The following TBC1D24 variants were observed in gnomAD, a reference collection of about 807,000 sequenced individuals.
The protein encoded by TBC1D24 is Infantile myoclonic epilepsy.
A neutral mutation model predicts 50.7 loss-of-function variants in TBC1D24; 47 were observed. The ratio of observed to expected loss-of-function variants is 0.93; its 90% confidence interval spans 0.73 to 1.18. The LOEUF (loss-of-function observed/expected upper bound fraction) is 1.18. TBC1D24 is among the 50% of genes most tolerant of loss of function. The pLI is 0.00. For synonymous variants in TBC1D24, 324 were observed against 335.2 expected, an observed-to-expected ratio of 0.97 and a Z score of 0.36; for missense variants, 688 against 766.5, an observed-to-expected ratio of 0.90 and a Z score of 1.21.
intron 1 of TBC1D24, among the ~76,000 whole-genome samples, chr16:2,491,449 T>C (rs926560843): frequency 6.6e-6 from 1 of 151,948 alleles, no homozygotes; most frequent in Admixed American, 6.6e-5. Flanking sequence ...AGTTCAGTGG[T>C]ACAATCAGGT....
At position 2,505,691 on chromosome 16, in the gene TBC1D24, T is replaced by C. The variant is rs931267621; in HGVS notation, c.*4733T>C. 8 of 152,214 alleles carry C rather than the reference T, an allele frequency of 5.3e-5. No individual in the cohort carries two copies. The highest frequency in any genetic ancestry group is 1.9e-4 in the African/African-American group (8 of 41,450). 9.4% of individuals were successfully genotyped at this position (152,214 alleles called of 1,614,324 possible). Reference sequence around the variant, plus strand: ...GTGAGTTAGTGATATGTTTGGTTGGTGTTAATTTGAGTCCTAAATAAAATC... The same window carrying C: ...GTGAGTTAGTGATATGTTTGGTTGGCGTTAATTTGAGTCCTAAATAAAATC... On this transcript the variant is annotated 3_prime_UTR_variant, in exon 8 of 8. Transcript: ENST00000646147.
At chr16:2,488,170 C>A (rs914790994) in intron 1 of TBC1D24, among the ~76,000 whole-genome samples, 5 of 152,226 alleles carry the variant, frequency 3.3e-5, no homozygotes, top group African/African-American at 1.2e-4. Flanking sequence ...CCTGTGGGCG[C>A]CTTCAGGGGG....
chr16:2,480,492 T>C (rs948003959), intron 1 of TBC1D24: 1 of 152,108 alleles, frequency 6.6e-6, no homozygotes, highest in African/African-American at 2.4e-5. Context: ...CTACTGAGGA[T>C]ACAGATTTCC....
In TBC1D24 at chr16:2,486,433, G is replaced by A. The variant is rs922553831; in HGVS notation, c.-115-9601G>A. On this transcript the variant is annotated intron_variant, in intron 1 of 7. Coordinates refer to ENST00000646147, the MANE Select transcript of TBC1D24 (RefSeq NM_001199107.2). The surrounding 1 kb of genome is among the most constrained non-coding windows in gnomAD (Gnocchi z 5.8). Reference sequence around the variant, plus strand: ...CCCTGTTCTGTGGCCCGTGACTGAGGTCCAGCCACACAGAACCCCGCGTCC... The same window carrying A: ...CCCTGTTCTGTGGCCCGTGACTGAGATCCAGCCACACAGAACCCCGCGTCC... Among the ~76,000 whole-genome samples, 1 of 152,238 alleles carries A rather than the reference G, an allele frequency of 6.6e-6. No individual in the cohort carries two copies. Among genetic ancestry groups the A allele is most frequent in the Non-Finnish European group, 1.5e-5 (1 of 68,050 alleles).
Position 2,501,695 on chromosome 16 carries a change from C to T in TBC1D24, c.*737C>T, listed in dbSNP as rs1442102380. The T allele has an allele frequency of 6.6e-6, 1 of 152,598 alleles. No individual in the cohort carries two copies. The highest frequency in any genetic ancestry group is 1.5e-5 in the Non-Finnish European group (1 of 68,314). 9.5% of individuals were successfully genotyped at this position (152,598 alleles called of 1,614,324 possible). A position where few individuals can be genotyped will look rare whatever the true frequency, so the allele number is the denominator to read the frequency against. Reference sequence around the variant, plus strand: ...GAGCTGGAGGGGGATGTCACATGTCCTTGTGTTTCTGCAGAGCCTGAAGCT... The same window carrying T: ...GAGCTGGAGGGGGATGTCACATGTCTTTGTGTTTCTGCAGAGCCTGAAGCT... On this transcript the variant is annotated 3_prime_UTR_variant, in exon 8 of 8. Coordinates refer to ENST00000646147, the MANE Select transcript of TBC1D24 (RefSeq NM_001199107.2).
At chr16:2,498,192 G>C in intron 3 of TBC1D24, 46 bp from the exon 4 acceptor site, 1 of 1,556,786 alleles carries the variant, frequency 6.4e-7, no homozygotes, top group Non-Finnish European at 8.7e-7. Flanking sequence ...GCATGGCCTG[G>C]CCCCAGACGT....
chr16:2,489,185 A>C (rs2065676314), intron 1 of TBC1D24, among the ~76,000 whole-genome samples: 1 of 151,784 alleles, frequency 6.6e-6, no homozygotes, highest in African/African-American at 2.4e-5. Context: ...TAATCCCAGC[A>C]CTTTGGGAGG....
chr16:2,478,666 T>A (rs2065587428), intron 1 of TBC1D24: 1 of 151,880 alleles, frequency 6.6e-6, no homozygotes, highest in African/African-American at 2.4e-5. Flanking sequence ...TTAAAGTCAG[T>A]AAGGTAACAG....
At chr16:2,491,197 A>G (rs1356792385) in intron 1 of TBC1D24, among the ~76,000 whole-genome samples, 1 of 152,210 alleles carries the variant, frequency 6.6e-6, no homozygotes, top group Non-Finnish European at 1.5e-5. Context: ...TGTATGTGGA[A>G]GGGGAGTAGG....
Position 2,496,410 on chromosome 16 carries a change from AGCTGCC to A in TBC1D24, c.263_268del (p.Ser88_Leu90delinsMet), listed in dbSNP as rs2141871196. 1 of 1,613,108 alleles carries A rather than the reference AGCTGCC, an allele frequency of 6.2e-7. No homozygotes were observed. The highest frequency in any genetic ancestry group is 2.2e-5 in the East Asian group (1 of 44,892). On this transcript the variant is annotated inframe_deletion, in exon 2 of 8. Coordinates refer to ENST00000646147, the MANE Select transcript of TBC1D24 (RefSeq NM_001199107.2). ...CAAGATCGTGGGCAAGCACAGCAGC[AGCTGCC>A]TGCCGCTGCCCGAGTTCGTGGACAA...
intron 1 of TBC1D24, chr16:2,476,838 G>T (rs2065572973): frequency 6.6e-6 from 1 of 152,246 alleles, no homozygotes; most frequent in African/African-American, 2.4e-5. Flanking sequence ...GGCCACCCAG[G>T]GTCTGTGAAG....
At chr16:2,479,993 C>T (rs1305344454) in intron 1 of TBC1D24, 1 of 152,028 alleles carries the variant, frequency 6.6e-6, no homozygotes, top group Non-Finnish European at 1.5e-5. Flanking sequence ...CCACCATGCC[C>T]AGTTAATTTT....
intron 1 of TBC1D24, among the ~76,000 whole-genome samples, chr16:2,494,445 C>G (rs2065721124): frequency 6.6e-6 from 1 of 151,368 alleles, no homozygotes; most frequent in African/African-American, 2.4e-5. Flanking sequence ...TAGAACGAAG[C>G]ATCTCTTTGC....
Position 2,499,317 on chromosome 16 carries a change from G to C in TBC1D24, c.1143-40G>C, listed in dbSNP as rs745816473. 6 of 1,591,872 alleles carry C rather than the reference G, an allele frequency of 3.8e-6. No individual in the cohort carries two copies. The Admixed American group carries it at 8.7e-5, about 23-fold the overall frequency. ...GAGGCTGCAGGAGGCGGCTGGGAGG[G>C]TGTGCAGGGTGACAGCTGGCATGCG... On this transcript the variant is annotated intron_variant, in intron 4 of 7. Coordinates refer to ENST00000646147, the MANE Select transcript of TBC1D24 (RefSeq NM_001199107.2). The surrounding 1 kb of genome is among the most constrained non-coding windows in gnomAD (Gnocchi z 4.0).
intron 1 of TBC1D24, among the ~76,000 whole-genome samples, chr16:2,489,315 CCA>C (rs2065677580): frequency 6.6e-6 from 1 of 151,800 alleles, no homozygotes; most frequent in Non-Finnish European, 1.5e-5. Flanking sequence ...GTCTGTAGTC[CCA>C]GCTACTCGGG....
At position 2,500,423 on chromosome 16, in the gene TBC1D24, C is replaced by T. The variant is rs758171447; in HGVS notation, c.1458C>T (p.Arg486=). The T allele has an allele frequency of 1.2e-6, 2 of 1,602,268 alleles. No homozygotes were observed. Among genetic ancestry groups the T allele is most frequent in the Non-Finnish European group, 1.7e-6 (2 of 1,175,076 alleles). Residue 486 remains arginine (R), a synonymous_variant, in exon 7 of 8, where the codon CGC becomes CGT. Coordinates refer to ENST00000646147, the MANE Select transcript of TBC1D24 (RefSeq NM_001199107.2). The surrounding 1 kb of genome is among the most constrained non-coding windows in gnomAD (Gnocchi z 8.0). ...GCCTCTCGCCCTTCCTGGCCGCTCG[C>T]CACTTCAACCTGCCCTCCAAGACCG... The part of the protein sequence containing the change: ...ADRLSPFLAA[R]HFNLPSKTES...
Position 2,483,611 on chromosome 16 carries a change from G to A in TBC1D24, c.-116+8441G>A, listed in dbSNP as rs967550547. The A allele has an allele frequency of 6.6e-6, 1 of 152,370 alleles. No homozygotes were observed. Among genetic ancestry groups the A allele is most frequent in the Admixed American group, 6.5e-5 (1 of 15,276 alleles). The allele number at this position is 152,370 out of a possible 1,614,324, so 9.4% of individuals were successfully genotyped here. A position where few individuals can be genotyped will look rare whatever the true frequency, so the allele number is the denominator to read the frequency against. On this transcript the variant is annotated intron_variant, in intron 1 of 7. Coordinates refer to ENST00000646147, the MANE Select transcript of TBC1D24 (RefSeq NM_001199107.2). This position sits in a 1 kb window ranked among gnomAD's most constrained non-coding sequence, Gnocchi z 4.0. ...TGGATAAAAAGGTAGAGATGTAAAG[G>A]CTTTTAAAGTTCTAGAGGCCACGGA...
At chr16:2,493,162 A>G (rs1205565510) in intron 1 of TBC1D24, among the ~76,000 whole-genome samples, 1 of 151,754 alleles carries the variant, frequency 6.6e-6, no homozygotes, top group African/African-American at 2.4e-5. Context: ...TGTTTGAGAC[A>G]GAGTCTTGCT....
Position 2,504,666 on chromosome 16 carries a change from T to A in TBC1D24, c.*3708T>A, listed in dbSNP as rs1252385432. On this transcript the variant is annotated 3_prime_UTR_variant, in exon 8 of 8. Coordinates refer to ENST00000646147, the MANE Select transcript of TBC1D24 (RefSeq NM_001199107.2). Reference sequence around the variant, plus strand: ...GATCTCCTGACCTCGTGATCTGCCCTCCTCGGCCTCCCAAAGTGCTGGGAT... The same window carrying A: ...GATCTCCTGACCTCGTGATCTGCCCACCTCGGCCTCCCAAAGTGCTGGGAT... 6.6e-6 allele frequency: 1 copy of A among 152,026 alleles called. No homozygotes were observed. The highest frequency in any genetic ancestry group is 1.5e-5 in the Non-Finnish European group (1 of 67,994). 9.4% of individuals were successfully genotyped at this position (152,026 alleles called of 1,614,324 possible). A position where few individuals can be genotyped will look rare whatever the true frequency, so the allele number is the denominator to read the frequency against.
Sources: gnomAD v4.1 joint callset for allele counts (sites outside exome capture counted in the v4.1 genomes callset) on GRCh38, gnomAD v4.1.1 for gene constraint, Gnocchi (gnomAD v3.1) non-coding constraint, MANE v1.5 for transcripts, NCBI Gene and HGNC (gene_info 2026-07-23, HGNC 2026-07-21) for gene names.